NACC2: variants seen among roughly 807,000 people sequenced by gnomAD.
The protein encoded by NACC2 is NACC family member 2.
NACC2 carries 8 observed loss-of-function variants against 25.1 expected under a neutral mutation model. The ratio of observed to expected loss-of-function variants is 0.32; its 90% CI spans 0.19 to 0.57. NACC2 has a LOEUF of 0.57. Among genes scored for constraint, NACC2 ranks in the 20% least tolerant of loss-of-function variants. The pLI, the probability that NACC2 is intolerant of heterozygous loss-of-function variation, is 0.89. For missense variants in NACC2, 644 were observed against 650.2 expected (o/e 0.99, Z 0.10); for synonymous variants, 435 against 294.7 (o/e 1.48, Z -4.88).
rs966499150 is a variant in NACC2 at position 136,019,724 on chromosome 9, G to A, written c.887-3295C>T. On this transcript the variant is annotated intron_variant, in intron 2 of 5. Transcript: ENST00000277554. This position sits in a 1 kb window ranked among gnomAD's most constrained non-coding sequence, Gnocchi z 5.2. ...GGTGGGCAGCCTCCCTGGACCACAC[G>A]GGGCGAAGCAAACACAAGGACAAAT... Among the ~76,000 whole-genome samples, 6 of 152,142 alleles carry A rather than the reference G, an allele frequency of 3.9e-5. No homozygotes were observed. Among genetic ancestry groups the A allele is most frequent in the Non-Finnish European group, 7.4e-5 (5 of 68,012 alleles).
At chr9:136,089,742 C>T (rs960292148) in intron 1 of NACC2, among the ~76,000 whole-genome samples, 7 of 151,704 alleles carry the variant, frequency 4.6e-5, no homozygotes, top group African/African-American at 7.3e-5. Context: ...GAGCCACGGC[C>T]GACCACTCAA....
chr9:136,032,216 G>A (rs192213670), intron 2 of NACC2, among the ~76,000 whole-genome samples: 1 of 152,322 alleles, frequency 6.6e-6, no homozygotes, highest in East Asian at 1.9e-4. Flanking sequence ...ATAACAGAAG[G>A]CTGCCACAGC....
At chr9:136,057,182 G>A (rs937291498) in intron 1 of NACC2, among the ~76,000 whole-genome samples, 6 of 152,354 alleles carry the variant, frequency 3.9e-5, no homozygotes, top group East Asian at 3.9e-4. Context: ...TGACTGAGCC[G>A]AGCCCTGCGC....
Position 136,011,525 on chromosome 9 carries a change from C to G in NACC2, c.1755G>C (p.Gly585=). 7.1e-7 allele frequency: 1 copy of G among 1,399,742 alleles called. No individual in the cohort carries two copies. The highest frequency in any genetic ancestry group is 9.2e-7 in the Non-Finnish European group (1 of 1,082,114). The allele number at this position is 1,399,742 out of a possible 1,614,324, so 86.7% of individuals were successfully genotyped here. Residue 585 remains glycine, a synonymous_variant, in exon 6 of 6, where the codon GGG becomes GGC. Transcript: ENST00000277554. ...AGCCACCCAGCTCCGCTTACAAGGT[C>G]CCTGCATAGGTGCCCTCCGGCCTCC... ...AARRPEGTYA[G]TL
At chr9:136,033,909 G>A (rs957014016) in intron 2 of NACC2, among the ~76,000 whole-genome samples, 1 of 148,426 alleles carries the variant, frequency 6.7e-6, no homozygotes, top group East Asian at 2.0e-4. Flanking sequence ...GTGTGTGTGT[G>A]TGTGTGTGTG....
intron 2 of NACC2, among the ~76,000 whole-genome samples, chr9:136,027,552 A>G (rs1227932764): frequency 6.6e-6 from 1 of 152,240 alleles, no homozygotes; most frequent in Non-Finnish European, 1.5e-5. Flanking sequence ...TTCAGAATTC[A>G]TAACAAAAAA....
chr9:136,068,295 C>A (rs1236265004), intron 1 of NACC2, among the ~76,000 whole-genome samples: 1 of 152,000 alleles, frequency 6.6e-6, no homozygotes. Context: ...GTCAGGAGTT[C>A]AAGACCAGCC....
intron 1 of NACC2, among the ~76,000 whole-genome samples, chr9:136,062,485 T>C (rs2131171916): frequency 6.6e-6 from 1 of 152,324 alleles, no homozygotes; most frequent in Non-Finnish European, 1.5e-5. Context: ...TGGTAGCACT[T>C]CGTCTTCAGT....
At chr9:136,012,596 G>A (rs1475817892) in intron 5 of NACC2, among the ~76,000 whole-genome samples, 3 of 151,222 alleles carry the variant, frequency 2.0e-5, no homozygotes, top group African/African-American at 7.3e-5. Flanking sequence ...CTTGGGGACT[G>A]TAATTCCTGG....
At chr9:136,040,727 A>G (rs1840615165) in intron 2 of NACC2, among the ~76,000 whole-genome samples, 1 of 152,340 alleles carries the variant, frequency 6.6e-6, no homozygotes, top group African/African-American at 2.4e-5. Context: ...TGGGAAGCCA[A>G]GGCAGGTAGA....
intron 2 of NACC2, among the ~76,000 whole-genome samples, chr9:136,035,280 C>G (rs1183269678): frequency 6.6e-6 from 1 of 152,090 alleles, no homozygotes; most frequent in African/African-American, 2.4e-5. Context: ...ACCAAACCAT[C>G]AAAGGAACAT....
intron 2 of NACC2, among the ~76,000 whole-genome samples, chr9:136,038,827 G>A (rs1450302448): frequency 9.9e-5 from 15 of 152,180 alleles, no homozygotes; most frequent in South Asian, 2.1e-4. Flanking sequence ...GCTACCGTGC[G>A]GTCTAGAGCA....
chr9:136,087,728 C>T (rs942753157), intron 1 of NACC2, among the ~76,000 whole-genome samples: 1 of 152,220 alleles, frequency 6.6e-6, no homozygotes, highest in Non-Finnish European at 1.5e-5. Flanking sequence ...GGAAATGAGG[C>T]TCGAATCCCA....
chr9:136,066,942 AAG>A (rs1841090623), intron 1 of NACC2, among the ~76,000 whole-genome samples: 1 of 149,504 alleles, frequency 6.7e-6, no homozygotes, highest in African/African-American at 2.6e-5. Flanking sequence ...ATCATTTAAA[AAG>A]ATTAAAAAAA....
intron 2 of NACC2, among the ~76,000 whole-genome samples, chr9:136,023,608 G>A (rs1392742936): frequency 6.6e-6 from 1 of 152,182 alleles, no homozygotes; most frequent in East Asian, 1.9e-4. Context: ...CCAGGCCTCC[G>A]ACAGGGATCC....
At chr9:136,058,686 T>C (rs1322609859) in intron 1 of NACC2, among the ~76,000 whole-genome samples, 1 of 152,140 alleles carries the variant, frequency 6.6e-6, no homozygotes, top group African/African-American at 2.4e-5. Flanking sequence ...CATCGCACCA[T>C]GCACCCAGGT....
chr9:136,024,186 AGT>A (rs1276104414), intron 2 of NACC2, among the ~76,000 whole-genome samples: 5 of 84,304 alleles, frequency 5.9e-5, no homozygotes, highest in South Asian at 4.0e-4. Context: ...GTGAGGACGG[AGT>A]GTGTGTGTGT....
rs1840072885 is a variant in NACC2, at chr9:136,009,524, C to T, written c.*1992G>A. On this transcript the variant is annotated 3_prime_UTR_variant, in exon 6 of 6. Coordinates refer to ENST00000277554, the MANE Select transcript of NACC2 (RefSeq NM_144653.5). ...CACAGTGCCTGCCCATGGTCCCCCA[C>T]CTCCTTCTGGAAAGCAACGTATTTT... The T allele has an allele frequency of 6.6e-6, 1 of 152,358 alleles. No individual in the cohort carries two copies. The highest frequency in any genetic ancestry group is 2.4e-5 in the African/African-American group (1 of 41,462). 9.4% of individuals were successfully genotyped at this position (152,358 alleles called of 1,614,324 possible). A position where few individuals can be genotyped will look rare whatever the true frequency, so the allele number is the denominator to read the frequency against.
chr9:136,040,978 A>AAG, intron 2 of NACC2, among the ~76,000 whole-genome samples: 2 of 151,928 alleles, frequency 1.3e-5, no homozygotes, highest in Non-Finnish European at 2.9e-5. Context: ...AAAGAAAGAA[A>AAG]GAAAAGGAAG....
Sources: gnomAD v4.1 joint callset for allele counts (sites outside exome capture counted in the v4.1 genomes callset) on GRCh38, gnomAD v4.1.1 for gene constraint, Gnocchi (gnomAD v3.1) non-coding constraint, MANE v1.5 for transcripts, NCBI Gene and HGNC (gene_info 2026-07-23, HGNC 2026-07-21) for gene names.